Variants in SMARCD2 observed in about 807,000 individuals in gnomAD.
SMARCD2 encodes the protein SWI/SNF-related matrix-associated actin-dependent regulator of chromatin subfamily D member 2.
A neutral mutation model predicts 70.4 loss-of-function variants in SMARCD2; 39 were observed. The observed-to-expected ratio is 0.55, with a 90% CI of 0.43 to 0.72. SMARCD2 has a LOEUF of 0.72. SMARCD2 is among the 30% of genes least tolerant of loss of function. The probability of loss-of-function intolerance (pLI) is 0.00; values close to 1 mark genes in which losing one functional copy is unlikely to be tolerated. For synonymous variants in SMARCD2, 249 were observed against 279.4 expected, an observed-to-expected ratio of 0.89 and a Z score of 1.08; for missense variants, 540 against 713.4, an observed-to-expected ratio of 0.76 and a Z score of 2.77.
chr17:63,841,772 G>A (rs1904472032), intron 1 of SMARCD2, among the ~76,000 whole-genome samples: 3 of 152,158 alleles, frequency 2.0e-5, no homozygotes, highest in African/African-American at 7.3e-5. Context: ...CACGATGACA[G>A]GAGGCAGAAA....
chr17:63,834,305 G>T lies in SMARCD2; in HGVS notation c.945C>A (p.Pro315=). 1 of 1,612,502 alleles carries T rather than the reference G, an allele frequency of 6.2e-7. No homozygotes were observed. ...DHQPPQYKLD[P]RLARLLGVHT... Reference sequence around the variant, plus strand: ...GCACTCCCAGCAGCCTTGCCAATCGGGGGTCCAATTTGTACTGGGGAGGCT... The same window carrying T: ...GCACTCCCAGCAGCCTTGCCAATCGTGGGTCCAATTTGTACTGGGGAGGCT... The change falls in exon 8 of 13, where the codon CCC becomes CCA. Residue 315 remains proline (P), a synonymous_variant. Coordinates refer to ENST00000448276, the MANE Select transcript of SMARCD2 (RefSeq NM_001098426.2). This position sits in a 1 kb window ranked among gnomAD's most constrained non-coding sequence, Gnocchi z 5.6.
At chr17:63,838,938 G>A (rs879264317) in intron 1 of SMARCD2, 25 of 985,338 alleles carry the variant, frequency 2.5e-5, no homozygotes, top group African/African-American at 1.0e-4. Context: ...GACCAGATGC[G>A]GAGATGGAAA....
At chr17:63,839,186 AC>A in intron 1 of SMARCD2, 2 of 985,372 alleles carry the variant, frequency 2.0e-6, no homozygotes, top group South Asian at 9.4e-5. Context: ...AAGTGTGGCT[AC>A]AGCTGTAAGC....
Position 63,833,517 on chromosome 17 carries a change from G to C in SMARCD2, c.1317+70C>G. 6.2e-7 allele frequency: 1 copy of C among 1,610,790 alleles called. No individual in the cohort carries two copies. The highest frequency in any genetic ancestry group is 1.7e-4 in the Middle Eastern group (1 of 6,038). On this transcript the variant is annotated intron_variant, in intron 10 of 12. Transcript: ENST00000448276. This position sits in a 1 kb window ranked among gnomAD's most constrained non-coding sequence, Gnocchi z 4.3. ...CCGTCCTCCAGGTGCTACATGTATG[G>C]AAATGCTGGACAGAGCCAGCCCACC...
chr17:63,841,935 C>T (rs1456933955), intron 1 of SMARCD2, among the ~76,000 whole-genome samples: 2 of 152,264 alleles, frequency 1.3e-5, no homozygotes, highest in Admixed American at 6.5e-5. Flanking sequence ...TCCCCTGGCC[C>T]TAGCCTCAGC....
chr17:63,836,193 G>C (rs1032557070), intron 4 of SMARCD2, among the ~76,000 whole-genome samples: 3 of 151,942 alleles, frequency 2.0e-5, no homozygotes, highest in African/African-American at 7.3e-5. Flanking sequence ...CCCCTGGAAA[G>C]GCTTCACCAC....
rs1567762768 is a variant in SMARCD2, at chr17:63,837,439, AC to A, written c.401+1del. 6.4e-7 allele frequency: 1 copy of A among 1,571,284 alleles called. No individual in the cohort carries two copies. The highest frequency in any genetic ancestry group is 8.6e-7 in the Non-Finnish European group (1 of 1,156,562). The stretch of plus-strand genomic sequence containing the variant: ...AGAGTGAGAGAAGCAGGATGCTCTT[AC>A]CCCCGGCGCTGGGCAGGCATGGGAG... On this transcript the variant is annotated splice_donor_variant, in intron 2 of 12. Coordinates refer to ENST00000448276, the MANE Select transcript of SMARCD2 (RefSeq NM_001098426.2). LOFTEE classifies it high-confidence loss of function. The surrounding 1 kb of genome is among the most constrained non-coding windows in gnomAD (Gnocchi z 6.4).
intron 4 of SMARCD2, 101 bp downstream of exon 4, chr17:63,836,821 G>C: frequency 8.4e-7 from 1 of 1,190,764 alleles, no homozygotes; most frequent in Non-Finnish European, 1.2e-6. Flanking sequence ...TCCTGCATGT[G>C]AAAAACCCGG....
intron 4 of SMARCD2, among the ~76,000 whole-genome samples, chr17:63,836,227 T>A (rs564291771): frequency 2.0e-5 from 3 of 151,676 alleles, no homozygotes; most frequent in East Asian, 3.9e-4. Flanking sequence ...ACATTATTAT[T>A]AAGAAAAGCT....
chr17:63,835,615 G>A, intron 4 of SMARCD2, 48 bp from the exon 5 acceptor site: 4 of 1,581,604 alleles, frequency 2.5e-6, no homozygotes, highest in Non-Finnish European at 3.5e-6. Flanking sequence ...AAGATGCTGG[G>A]ACACAGTGCT....
Position 63,832,613 on chromosome 17 carries a change from T to G in SMARCD2, c.*325A>C. On this transcript the variant is annotated 3_prime_UTR_variant, in exon 13 of 13. Coordinates refer to ENST00000448276, the MANE Select transcript of SMARCD2 (RefSeq NM_001098426.2). ...GCTCTGACCCTCGCCCCAGGGGGAG[T>G]CTGTAAACATGCAAACCCAGCAGCC... 9.9e-6 allele frequency: 4 copies of G among 404,514 alleles called. No homozygotes were observed. The highest frequency in any genetic ancestry group is 2.6e-5 in the South Asian group (1 of 37,946). 25.1% of individuals were successfully genotyped at this position (404,514 alleles called of 1,614,324 possible). A position where few individuals can be genotyped will look rare whatever the true frequency, so the allele number is the denominator to read the frequency against.
intron 1 of SMARCD2, among the ~76,000 whole-genome samples, chr17:63,840,130 G>GA (rs199531971): frequency 0.012 from 1,752 of 147,336 alleles, 18 homozygotes; most frequent in South Asian, 0.026. Flanking sequence ...CTCCGTATCA[G>GA]AAAAAAAAAA....
At chr17:63,836,495 T>A (rs2040267360) in intron 4 of SMARCD2, among the ~76,000 whole-genome samples, 1 of 113,356 alleles carries the variant, frequency 8.8e-6, no homozygotes. Context: ...CGAGACTCCA[T>A]CTCAGAAAAA....
In SMARCD2 at chr17:63,832,623, T is replaced by G. The variant is rs1384231768; in HGVS notation, c.*315A>C. The G allele has an allele frequency of 2.3e-6, 1 of 440,540 alleles. No individual in the cohort carries two copies. Among genetic ancestry groups the G allele is most frequent in the East Asian group, 4.5e-5 (1 of 22,090 alleles). The allele number at this position is 440,540 out of a possible 1,614,324, so 27.3% of individuals were successfully genotyped here. A position where few individuals can be genotyped will look rare whatever the true frequency, so the allele number is the denominator to read the frequency against. Reference sequence around the variant, plus strand: ...TCGCCCCAGGGGGAGTCTGTAAACATGCAAACCCAGCAGCCTTTGGTTCGG... The same window carrying G: ...TCGCCCCAGGGGGAGTCTGTAAACAGGCAAACCCAGCAGCCTTTGGTTCGG... On this transcript the variant is annotated 3_prime_UTR_variant, in exon 13 of 13. Coordinates refer to ENST00000448276, the MANE Select transcript of SMARCD2 (RefSeq NM_001098426.2).
chr17:63,834,271 T>A lies in SMARCD2; in HGVS notation c.979A>T (p.Thr327Ser). Residue 327 changes from threonine to serine, a missense_variant, in exon 8 of 13, where the codon ACG becomes TCG. Physicochemically the swap from Thr to Ser is moderately conservative, Grantham distance 58. Transcript: ENST00000448276. This position sits in a 1 kb window ranked among gnomAD's most constrained non-coding sequence, Gnocchi z 5.6. ...AGGGCCTGCATGATGGCGGCCCTCG[T>A]CTGCGTGTGCACTCCCAGCAGCCTT... The part of the protein sequence containing the change: ...LARLLGVHTQ[T>S]RAAIMQALWL... 1 of 1,611,576 alleles carries A rather than the reference T, an allele frequency of 6.2e-7. No individual in the cohort carries two copies. The highest frequency in any genetic ancestry group is 8.5e-7 in the Non-Finnish European group (1 of 1,178,968).
Position 63,833,361 on chromosome 17 carries a change from A to G in SMARCD2, c.1377T>C (p.Ser459=). ...QLKTQRDFML[S]FSTDPQDFIQ... is the part of the protein sequence containing the mutation. ...TGAAGTCCTGGGGGTCGGTGCTAAA[A>G]CTGAGCATGAAATCTCTCTGGGTCT... Residue 459 remains serine, a synonymous_variant, in exon 11 of 13, where the codon AGT becomes AGC. Coordinates refer to ENST00000448276, the MANE Select transcript of SMARCD2 (RefSeq NM_001098426.2). The surrounding 1 kb of genome is among the most constrained non-coding windows in gnomAD (Gnocchi z 4.3). 1.2e-6 allele frequency: 2 copies of G among 1,613,976 alleles called. No homozygotes were observed. The highest frequency in any genetic ancestry group is 1.7e-6 in the Non-Finnish European group (2 of 1,179,906).
In SMARCD2 at chr17:63,832,265, G is replaced by GC; in HGVS notation, c.*672_*673insG. The stretch of plus-strand genomic sequence containing the variant: ...CCTCAGGCCATGCTAGAGAACTGGA[G>GC]TGTCCCCTCCCCGGCCCAAGCCGCT... On this transcript the variant is annotated 3_prime_UTR_variant, in exon 13 of 13. Coordinates refer to ENST00000448276, the MANE Select transcript of SMARCD2 (RefSeq NM_001098426.2). 2 of 445,856 alleles carry GC rather than the reference G, an allele frequency of 4.5e-6. No individual in the cohort carries two copies. Among genetic ancestry groups the GC allele is most frequent in the Non-Finnish European group, 8.2e-6 (2 of 244,486 alleles). 27.6% of individuals were successfully genotyped at this position (445,856 alleles called of 1,614,324 possible). A position where few individuals can be genotyped will look rare whatever the true frequency, so the allele number is the denominator to read the frequency against.
intron 4 of SMARCD2, among the ~76,000 whole-genome samples, chr17:63,835,943 G>C (rs183471237): frequency 6.6e-6 from 1 of 151,988 alleles, no homozygotes; most frequent in Admixed American, 6.6e-5. Context: ...TGGCCATGCT[G>C]GTCTCAAACT....
Position 63,837,454 on chromosome 17 carries a change from C to T in SMARCD2, c.388G>A (p.Ala130Thr). The T allele has an allele frequency of 6.3e-7, 1 of 1,575,662 alleles. No homozygotes were observed. The highest frequency in any genetic ancestry group is 8.6e-7 in the Non-Finnish European group (1 of 1,158,784). The change falls in exon 2 of 13, where the codon GCC becomes ACC. Residue 130 changes from alanine (A) to threonine (T), a missense_variant. Physicochemically the swap from Ala to Thr is moderately conservative, Grantham distance 58 (BLOSUM62 0). Transcript: ENST00000448276. The surrounding 1 kb of genome is among the most constrained non-coding windows in gnomAD (Gnocchi z 6.4). ...GGATGCTCTTACCCCCGGCGCTGGG[C>T]AGGCATGGGAGGCTGCGCCTGGGGC... ...LVPQAQPPMP[A>T]QRRGLKRRKM...
Sources: gnomAD v4.1 joint callset for allele counts (sites outside exome capture counted in the v4.1 genomes callset) on GRCh38, gnomAD v4.1.1 for gene constraint, Gnocchi (gnomAD v3.1) non-coding constraint, MANE v1.5 for transcripts, NCBI Gene and HGNC (gene_info 2026-07-23, HGNC 2026-07-21) for gene names.